The following ACLY variants were observed in gnomAD, a reference collection of about 807,000 sequenced individuals.
ACLY encodes the protein ATP-citrate synthase.
ACLY carries 41 observed loss-of-function variants against 133.0 expected under a neutral mutation model. The ratio of observed to expected loss-of-function variants is 0.31; its 90% confidence interval spans 0.24 to 0.40. ACLY has a LOEUF of 0.40. ACLY is among the 10% of genes least tolerant of loss of function. The pLI, the probability that ACLY is intolerant of heterozygous loss-of-function variation, is 1.00. For synonymous variants in ACLY, 495 were observed against 549.3 expected, an observed-to-expected ratio of 0.90 and a Z score of 1.38; for missense variants, 1,046 against 1,453.8, an observed-to-expected ratio of 0.72 and a Z score of 4.56.
chr17:41,895,033 G>C (rs550010008), intron 14 of ACLY, among the ~76,000 whole-genome samples: 4 of 152,192 alleles, frequency 2.6e-5, no homozygotes, highest in East Asian at 3.9e-4. Context: ...AGACCCCCCG[G>C]GTTCTGCTGA....
At chr17:41,908,104 C>T (rs2049780835) in intron 6 of ACLY, among the ~76,000 whole-genome samples, 1 of 152,160 alleles carries the variant, frequency 6.6e-6, no homozygotes, top group East Asian at 1.9e-4. Flanking sequence ...TCCCCCAGGG[C>T]CATTTAGCTG....
intron 4 of ACLY, among the ~76,000 whole-genome samples, 182 bp downstream of exon 4, chr17:41,910,040 C>A (rs2049852044): frequency 6.6e-6 from 1 of 152,136 alleles, no homozygotes; most frequent in Admixed American, 6.5e-5. Context: ...TGCTGTAGAC[C>A]AAGCCCTTTC....
chr17:41,879,949 C>A (rs914363664), intron 20 of ACLY, among the ~76,000 whole-genome samples: 1 of 152,000 alleles, frequency 6.6e-6, no homozygotes, highest in African/African-American at 2.4e-5. Context: ...AGGCTGGTCT[C>A]CAACTCCTGG....
chr17:41,878,052 G>C (rs374837900), intron 22 of ACLY, 51 bp downstream of exon 22: 5 of 1,328,920 alleles, frequency 3.8e-6, no homozygotes, highest in Non-Finnish European at 5.0e-6. Flanking sequence ...CACCACCATA[G>C]ACCCACAGAT....
intron 11 of ACLY, among the ~76,000 whole-genome samples, chr17:41,899,275 C>T (rs1555631078): frequency 6.6e-6 from 1 of 150,382 alleles, no homozygotes; most frequent in African/African-American, 2.4e-5. Context: ...AGACTCTTGT[C>T]TCCAAAAAAA....
At chr17:41,891,584 G>T (rs1294878494) in intron 16 of ACLY, among the ~76,000 whole-genome samples, 1 of 151,598 alleles carries the variant, frequency 6.6e-6, no homozygotes, top group South Asian at 2.1e-4. Flanking sequence ...TAGGGACAGG[G>T]TCTTGCTTTG....
At chr17:41,901,661 C>T in intron 11 of ACLY, 35 bp downstream of exon 11, 1 of 1,575,710 alleles carries the variant, frequency 6.3e-7, no homozygotes, top group Non-Finnish European at 8.7e-7. Context: ...CACCCACACT[C>T]AGGGTGAGGG....
intron 10 of ACLY, 57 bp from the exon 11 acceptor site, chr17:41,901,870 A>G: frequency 1.5e-6 from 2 of 1,331,170 alleles, no homozygotes; most frequent in South Asian, 2.8e-5. Flanking sequence ...TCAATGATTT[A>G]TAACCGTGAT....
At chr17:41,906,093 A>C (rs1420685984) in intron 8 of ACLY, among the ~76,000 whole-genome samples, 2 of 152,200 alleles carry the variant, frequency 1.3e-5, no homozygotes, top group Non-Finnish European at 2.9e-5. Flanking sequence ...AAAGTGAAAA[A>C]AACTGCTAAT....
chr17:41,924,682 G>A (rs2050221410), intron 1 of ACLY, among the ~76,000 whole-genome samples: 1 of 152,142 alleles, frequency 6.6e-6, no homozygotes, highest in South Asian at 2.1e-4. Context: ...GATGCAGCCA[G>A]GGCCCCTCTC....
rs538813838 is a variant in ACLY at position 41,910,603 on chromosome 17, G to A, written c.283-319C>T. ...AGTCACGGCTGTGGCAGAGCTTGAC[G>A]GGGAGGGGAAACCGGGTAGAAGGGA... On this transcript the variant is annotated intron_variant, in intron 3 of 28. Coordinates refer to ENST00000352035, the MANE Select transcript of ACLY (RefSeq NM_001096.3). Among the ~76,000 whole-genome samples, 70 of 152,326 alleles carry A rather than the reference G, an allele frequency of 4.6e-4. 1 individual carries two copies. In the South Asian group the frequency reaches 0.012, roughly 26 times the overall value.
intron 16 of ACLY, among the ~76,000 whole-genome samples, chr17:41,890,384 GAA>G (rs781914466): frequency 3.8e-5 from 5 of 132,430 alleles, no homozygotes; most frequent in Non-Finnish European, 8.2e-5. Context: ...CTGACCGATT[GAA>G]AAAAAAAAAA....
chr17:41,895,687 C>G (rs1438087266), intron 14 of ACLY, among the ~76,000 whole-genome samples: 1 of 152,246 alleles, frequency 6.6e-6, no homozygotes. Flanking sequence ...CCTGTTCTTT[C>G]CACACTGGGC....
At chr17:41,929,654 T>C (rs2050290837) in intron 1 of ACLY, among the ~76,000 whole-genome samples, 2 of 152,236 alleles carry the variant, frequency 1.3e-5, no homozygotes, top group Non-Finnish European at 2.9e-5. Flanking sequence ...GACCATATTA[T>C]TTCTTATATT....
At position 41,906,466 on chromosome 17, in the gene ACLY, T is replaced by TAC. The variant is rs1491384923; in HGVS notation, c.866+60_866+61dup. ...GTGACAGGACCCCACCCACCCAGGC[T>TAC]ACACACATGTTGATGCTGGGTAGAC... On this transcript the variant is annotated intron_variant, in intron 8 of 28. Coordinates refer to ENST00000352035, the MANE Select transcript of ACLY (RefSeq NM_001096.3). 4 of 1,450,754 alleles carry TAC rather than the reference T, an allele frequency of 2.8e-6. No homozygotes were observed. The Admixed American group carries it at 6.8e-5, about 25-fold the overall frequency. 89.9% of individuals were successfully genotyped at this position (1,450,754 alleles called of 1,614,324 possible).
intron 13 of ACLY, among the ~76,000 whole-genome samples, chr17:41,897,202 C>T (rs1488466890): frequency 6.6e-6 from 1 of 150,920 alleles, no homozygotes; most frequent in Non-Finnish European, 1.5e-5. Flanking sequence ...GAGCTGGCTG[C>T]AAGGGCTGGC....
intron 4 of ACLY, 126 bp downstream of exon 4, chr17:41,910,096 T>A: frequency 1.1e-6 from 1 of 947,762 alleles, no homozygotes; most frequent in Non-Finnish European, 1.6e-6. Flanking sequence ...AGATCCTCAG[T>A]GCAGCTTCAG....
chr17:41,899,880 A>G (rs1555631196), intron 11 of ACLY, among the ~76,000 whole-genome samples: 1 of 151,698 alleles, frequency 6.6e-6, no homozygotes, highest in East Asian at 1.9e-4. Flanking sequence ...TTCGTCTACA[A>G]AAAAATTAGC....
At chr17:41,883,285 C>G in intron 19 of ACLY, 53 bp from the exon 20 acceptor site, 1 of 1,475,520 alleles carries the variant, frequency 6.8e-7, no homozygotes, top group Non-Finnish European at 9.4e-7. Flanking sequence ...CCCATCCTGA[C>G]GTAAAAACTG....
Sources: gnomAD v4.1 joint callset for allele counts (sites outside exome capture counted in the v4.1 genomes callset) on GRCh38, gnomAD v4.1.1 for gene constraint, MANE v1.5 for transcripts, NCBI Gene and HGNC (gene_info 2026-07-23, HGNC 2026-07-21) for gene names.